Variants in PPP1R16A observed in about 807,000 individuals in gnomAD.
PPP1R16A encodes the protein myosin phosphatase-targeting subunit 3.
Under a neutral mutation model 46.6 loss-of-function variants are expected in PPP1R16A, and 39 were observed. The observed-to-expected ratio is 0.84, with a 90% confidence interval of 0.65 to 1.09. PPP1R16A has a LOEUF of 1.09. PPP1R16A is among the 50% of genes least tolerant of loss of function. PPP1R16A has a pLI of 0.00. For synonymous variants in PPP1R16A, 413 were observed against 321.5 expected (o/e 1.28, Z -3.04); for missense variants, 798 against 735.6 (o/e 1.08, Z -0.98).
intron 1 of PPP1R16A, among the ~76,000 whole-genome samples, chr8:144,489,559 G>A (rs1460460350): frequency 6.6e-6 from 1 of 152,120 alleles, no homozygotes; most frequent in Non-Finnish European, 1.5e-5. Context: ...CCTGTGTGTA[G>A]GAAACTTAAT....
At position 144,478,028 on chromosome 8, in the gene PPP1R16A, G is replaced by C. The variant is rs995947962; in HGVS notation, c.-1013G>C. 2 of 394,296 alleles carry C rather than the reference G, an allele frequency of 5.1e-6. No homozygotes were observed. Among genetic ancestry groups the C allele is most frequent in the Non-Finnish European group, 9.0e-6 (2 of 223,160 alleles). 24.4% of individuals were successfully genotyped at this position (394,296 alleles called of 1,614,324 possible). On this transcript the variant is annotated 5_prime_UTR_variant, in exon 1 of 12. Transcript: ENST00000435887. ...TGTAGCGTTGCCATGGCGAGGGCCG[G>C]GTGCGGGGCCCGCCCCCGCAGCGCC...
Position 144,500,729 on chromosome 8 carries a change from A to T in PPP1R16A, c.875A>T (p.Asn292Ile). Residue 292 changes from asparagine to isoleucine, a missense_variant, in exon 9 of 12, where the codon AAC becomes ATC. Physicochemically the swap from Asn to Ile is moderately radical, Grantham distance 149. Transcript: ENST00000435887. ...CTCGTGGCGCACGGGGCCGACCTGA[A>T]CGCAAAGTCCCTGATGGACGAGACG... ...ELLVAHGADL[N>I]AKSLMDETPL... is the part of the protein sequence containing the mutation. The T allele has an allele frequency of 6.2e-7, 1 of 1,611,948 alleles. No individual in the cohort carries two copies. The highest frequency in any genetic ancestry group is 8.5e-7 in the Non-Finnish European group (1 of 1,179,668).
rs371431061 is a variant in PPP1R16A, at chr8:144,492,129, C to T, written c.-735+1917C>T. On this transcript the variant is annotated intron_variant, in intron 2 of 11. Transcript: ENST00000435887. The stretch of plus-strand genomic sequence containing the variant: ...AGGTGGTGTGGGGGCACTGGGCCAG[C>T]CCGTCACTGCCGGGGCTCCCGTGCT... 7.9e-5 allele frequency among the ~76,000 whole-genome samples: 12 copies of T among 152,284 alleles called. No homozygotes were observed. The East Asian group carries it at 1.9e-3, about 25-fold the overall frequency.
intron 1 of PPP1R16A, chr8:144,479,194 G>T (rs1586732902): frequency 1.3e-5 from 2 of 152,412 alleles, no homozygotes; most frequent in Non-Finnish European, 2.9e-5. Flanking sequence ...CCAGAGCCAC[G>T]ACTCGCCGAG....
Position 144,502,023 on chromosome 8 carries a change from C to T in PPP1R16A, c.*120C>T, listed in dbSNP as rs1272264583. The T allele has an allele frequency of 8.9e-6, 9 of 1,006,956 alleles. No individual in the cohort carries two copies. In the African/African-American group the frequency reaches 1.1e-4, roughly 13 times the overall value. The allele number at this position is 1,006,956 out of a possible 1,614,324, so 62.4% of individuals were successfully genotyped here. ...ACCCCGGCTTCTACTGTACAGGACACTGGCCCCTCTCAGGTCAGAAGACAT... is the reference window on the plus strand; with the variant it reads ...ACCCCGGCTTCTACTGTACAGGACATTGGCCCCTCTCAGGTCAGAAGACAT... On this transcript the variant is annotated 3_prime_UTR_variant, in exon 12 of 12. Transcript: ENST00000435887.
At chr8:144,500,816 C>T in intron 9 of PPP1R16A, 26 bp from the exon 10 acceptor site, 1 of 1,593,660 alleles carries the variant, frequency 6.3e-7, no homozygotes, top group Non-Finnish European at 8.5e-7. Flanking sequence ...GGGAGGGCGC[C>T]CCTGACGCCT....
In PPP1R16A at chr8:144,501,290, C is replaced by T. The variant is rs1001574728; in HGVS notation, c.1199C>T (p.Pro400Leu). ...QTGAELRPPP[P>L]EEDNPEVVRP... ...GGCGCAGAGCTCAGGCCGCCGCCCC[C>T]GGAGGTGAGCGCCCCGTCCCTGCTC... The change falls in exon 11 of 12, where the codon CCG (proline) becomes CTG (leucine). Residue 400 changes from proline to leucine, a missense_variant. By Grantham distance (98) the Pro-to-Leu change is moderately conservative (BLOSUM62 -3). Coordinates refer to ENST00000435887, the MANE Select transcript of PPP1R16A (RefSeq NM_001329443.2). 3.8e-5 allele frequency: 60 copies of T among 1,580,212 alleles called. No homozygotes were observed. The highest frequency in any genetic ancestry group is 4.1e-5 in the Non-Finnish European group (48 of 1,168,816).
chr8:144,485,741 T>G (rs1825607928), intron 1 of PPP1R16A, among the ~76,000 whole-genome samples: 1 of 152,138 alleles, frequency 6.6e-6, no homozygotes, highest in African/African-American at 2.4e-5. Context: ...GGTTTAGTTC[T>G]GCGCATCTGT....
At position 144,500,835 on chromosome 8, in the gene PPP1R16A, T is replaced by G. The variant is rs374889154; in HGVS notation, c.908-7T>G. 180 of 1,579,212 alleles carry G rather than the reference T, an allele frequency of 1.1e-4. No homozygotes were observed. The highest frequency in any genetic ancestry group is 1.5e-4 in the Non-Finnish European group (176 of 1,162,274). Reference sequence around the variant, plus strand: ...GGGCGCCCCTGACGCCTGCGCCCACTTCTCAGATGTGTGCGGGGACGAGGA... The same window carrying G: ...GGGCGCCCCTGACGCCTGCGCCCACGTCTCAGATGTGTGCGGGGACGAGGA... On this transcript the variant is annotated splice_region_variant and splice_polypyrimidine_tract_variant and intron_variant, in intron 9 of 11. Transcript: ENST00000435887.
At chr8:144,485,908 G>A (rs1209788909) in intron 1 of PPP1R16A, among the ~76,000 whole-genome samples, 4 of 152,172 alleles carry the variant, frequency 2.6e-5, no homozygotes, top group Admixed American at 6.5e-5. Context: ...TCACCATTAC[G>A]AGAATGCTCC....
At chr8:144,485,512 A>G (rs1422649187) in intron 1 of PPP1R16A, among the ~76,000 whole-genome samples, 8 of 144,764 alleles carry the variant, frequency 5.5e-5, no homozygotes, top group African/African-American at 2.1e-4. Context: ...CAACAGAGCA[A>G]CACTCCATCT....
intron 5 of PPP1R16A, chr8:144,499,277 C>T (rs370792407): frequency 4.1e-5 from 25 of 607,556 alleles, no homozygotes; most frequent in Middle Eastern, 4.4e-4. Flanking sequence ...CCCCAGCATT[C>T]GTCCTCCTGC....
At chr8:144,490,837 G>C (rs969241709) in intron 2 of PPP1R16A, among the ~76,000 whole-genome samples, 12 of 152,126 alleles carry the variant, frequency 7.9e-5, no homozygotes, top group Non-Finnish European at 1.8e-4. Context: ...GGAGGGTCGC[G>C]TCAGCCCAGG....
In PPP1R16A at chr8:144,501,882, G is replaced by A. The variant is rs772161437; in HGVS notation, c.1566G>A (p.Arg522=). The part of the protein sequence containing the change: ...APAVEAPVER[R]PCCLLM ...CGGTGGAGGCTCCCGTGGAGAGGAGGCCGTGCTGCCTGCTCATGTGAGGCT... is the reference window on the plus strand; with the variant it reads ...CGGTGGAGGCTCCCGTGGAGAGGAGACCGTGCTGCCTGCTCATGTGAGGCT... Residue 522 remains arginine (R), a synonymous_variant, in exon 12 of 12, where the codon AGG becomes AGA. Coordinates refer to ENST00000435887, the MANE Select transcript of PPP1R16A (RefSeq NM_001329443.2). The A allele has an allele frequency of 7.3e-5, 112 of 1,534,724 alleles. No individual in the cohort carries two copies. The highest frequency in any genetic ancestry group is 9.7e-5 in the Non-Finnish European group (111 of 1,140,888).
intron 2 of PPP1R16A, chr8:144,495,682 C>T (rs56251700): frequency 0.014 from 2,083 of 152,426 alleles, 14 homozygotes; most frequent in Non-Finnish European, 0.022. Flanking sequence ...GTGATCCACC[C>T]GCCTTGGCCT....
Position 144,500,943 on chromosome 8 carries a change from C to T in PPP1R16A, c.1009C>T (p.Arg337Cys), listed in dbSNP as rs1386311426. Residue 337 changes from arginine to cysteine, a missense_variant, in exon 10 of 12, where the codon CGC becomes TGC. Arg to Cys is a radical substitution (Grantham distance 180, BLOSUM62 -3). Transcript: ENST00000435887. ...GAGCCGCCAGCGCTCCTTGCTGCGC[C>T]GCCGCACCTCCAGCGCCGGCAGCCG... ...AQSRQRSLLR[R>C]RTSSAGSRGK... 5.3e-6 allele frequency: 8 copies of T among 1,498,296 alleles called. No individual in the cohort carries two copies. Among genetic ancestry groups the T allele is most frequent in the Non-Finnish European group, 7.1e-6 (8 of 1,130,326 alleles). The allele number at this position is 1,498,296 out of a possible 1,614,324, so 92.8% of individuals were successfully genotyped here.
intron 5 of PPP1R16A, 118 bp from the exon 6 acceptor site, chr8:144,499,978 G>A: frequency 1.0e-6 from 1 of 988,948 alleles, no homozygotes; most frequent in East Asian, 2.6e-5. Flanking sequence ...CAGGTGGACA[G>A]GGTGCCTCCT....
intron 1 of PPP1R16A, among the ~76,000 whole-genome samples, chr8:144,481,267 C>T (rs1486991402): frequency 6.6e-6 from 1 of 152,136 alleles, no homozygotes; most frequent in Non-Finnish European, 1.5e-5. Flanking sequence ...TCTCGTGCTC[C>T]TCTGTGGTAA....
In PPP1R16A at chr8:144,501,189, C is replaced by A. The variant is rs775628935; in HGVS notation, c.1098C>A (p.Ala366=). Reference sequence around the variant, plus strand: ...CCGACCTGTACCGCAAGCAGCACGCCCAGGAGGCCATCGTGTGGCAACAGC... The same window carrying A: ...CCGACCTGTACCGCAAGCAGCACGCACAGGAGGCCATCGTGTGGCAACAGC... ...QRTDLYRKQH[A]QEAIVWQQPP... is the part of the protein sequence containing the mutation. Residue 366 remains alanine (A), a synonymous_variant, in exon 11 of 12, where the codon GCC becomes GCA. Coordinates refer to ENST00000435887, the MANE Select transcript of PPP1R16A (RefSeq NM_001329443.2). 7 of 1,610,112 alleles carry A rather than the reference C, an allele frequency of 4.3e-6. No homozygotes were observed. The East Asian group carries it at 1.3e-4, about 31-fold the overall frequency.
Sources: gnomAD v4.1 joint callset for allele counts (sites outside exome capture counted in the v4.1 genomes callset) on GRCh38, gnomAD v4.1.1 for gene constraint, MANE v1.5 for transcripts, NCBI Gene and HGNC (gene_info 2026-07-23, HGNC 2026-07-21) for gene names.